The following RBFOX1 variants were observed in gnomAD, a reference collection of about 807,000 sequenced individuals.
RBFOX1 encodes the protein RNA binding fox-1 homolog 1.
In RBFOX1, 8 loss-of-function variants were observed where a neutral mutation model predicts 57.7. That is an observed-to-expected ratio of 0.14 (90% CI 0.08 to 0.25). The LOEUF is 0.25. Among genes scored for constraint, RBFOX1 ranks in the 10% least tolerant of loss-of-function variants. The probability of loss-of-function intolerance (pLI) is 1.00; values close to 1 mark genes in which losing one functional copy is unlikely to be tolerated. For missense variants in RBFOX1, 611 were observed against 548.5 expected (o/e 1.11, Z -1.14); for synonymous variants, 326 against 222.4 (o/e 1.47, Z -4.15).
chr16:7,385,182 A>G (rs7202219), intron 4 of RBFOX1, among the ~76,000 whole-genome samples: 1 of 152,202 alleles, frequency 6.6e-6, no homozygotes, highest in Non-Finnish European at 1.5e-5. Flanking sequence ...TATAAGTTTT[A>G]TATGAATTAC....
chr16:7,185,101 A>G (rs1040175308), intron 4 of RBFOX1, among the ~76,000 whole-genome samples: 3 of 152,284 alleles, frequency 2.0e-5, no homozygotes, highest in African/African-American at 7.2e-5. Flanking sequence ...ATCTATTTAA[A>G]CCACCTAACA....
intron 3 of RBFOX1, among the ~76,000 whole-genome samples, chr16:7,022,007 T>C (rs568591070): frequency 2.2e-4 from 2 of 9,208 alleles, no homozygotes. Context: ...CCCCTCTCCC[T>C]CCCCTTCCCT....
At chr16:5,569,408 A>G (rs1325126197) in intron 2 of RBFOX1, among the ~76,000 whole-genome samples, 1 of 123,026 alleles carries the variant, frequency 8.1e-6, no homozygotes, top group African/African-American at 2.9e-5. Flanking sequence ...CTTTTCAGAC[A>G]TTTGGTAAGG....
chr16:6,132,057 AG>A (rs2096633764), intron 1 of RBFOX1, among the ~76,000 whole-genome samples: 1 of 152,234 alleles, frequency 6.6e-6, no homozygotes, highest in Non-Finnish European at 1.5e-5. Context: ...GCCAAATAGA[AG>A]CTTAACACGC....
At chr16:7,654,659 G>A (rs997239611) in intron 12 of RBFOX1, among the ~76,000 whole-genome samples, 10 of 152,132 alleles carry the variant, frequency 6.6e-5, no homozygotes, top group Non-Finnish European at 1.0e-4. Context: ...AAATGATACT[G>A]GTGTGTTTGG....
chr16:6,150,592 G>C (rs968409939), intron 1 of RBFOX1, among the ~76,000 whole-genome samples: 4 of 152,112 alleles, frequency 2.6e-5, no homozygotes, highest in African/African-American at 4.8e-5. Flanking sequence ...TGTTATTCCT[G>C]TCCCCCTTTA....
At chr16:5,606,262 C>A (rs937227369) in intron 3 of RBFOX1, among the ~76,000 whole-genome samples, 1 of 152,114 alleles carries the variant, frequency 6.6e-6, no homozygotes, top group East Asian at 1.9e-4. Context: ...CTCCAGTGTC[C>A]ATGCCCCATG....
At chr16:7,538,809 G>C (rs1023080849) in intron 5 of RBFOX1, among the ~76,000 whole-genome samples, 1 of 151,968 alleles carries the variant, frequency 6.6e-6, no homozygotes. Flanking sequence ...CAGATGTCTG[G>C]AACTTGGTGA....
At chr16:5,542,865 A>G (rs763784028) in intron 2 of RBFOX1, among the ~76,000 whole-genome samples, 6 of 152,334 alleles carry the variant, frequency 3.9e-5, no homozygotes, top group Admixed American at 6.5e-5. Context: ...GTTCCAGGGA[A>G]CATAATTCAG....
At chr16:7,134,698 A>G (rs778469365) in intron 4 of RBFOX1, among the ~76,000 whole-genome samples, 4 of 152,192 alleles carry the variant, frequency 2.6e-5, no homozygotes, top group Non-Finnish European at 4.4e-5. Flanking sequence ...AGAAATCCTG[A>G]CTGTGAAAAC....
chr16:6,613,158 C>G (rs1335393638), intron 2 of RBFOX1, among the ~76,000 whole-genome samples: 1 of 152,080 alleles, frequency 6.6e-6, no homozygotes, highest in African/African-American at 2.4e-5. Flanking sequence ...AGGCATTATG[C>G]TTGCTGCGTG....
chr16:5,696,292 T>C (rs1051480511), intron 3 of RBFOX1, among the ~76,000 whole-genome samples: 1 of 152,230 alleles, frequency 6.6e-6, no homozygotes, highest in Non-Finnish European at 1.5e-5. Flanking sequence ...TATGAATCCA[T>C]AGGCAAAACA....
intron 4 of RBFOX1, among the ~76,000 whole-genome samples, chr16:7,118,731 G>C (rs1382266441): frequency 6.6e-6 from 1 of 152,148 alleles, no homozygotes; most frequent in Non-Finnish European, 1.5e-5. Context: ...GGATCATGGT[G>C]AGAAGAATCC....
At chr16:5,708,422 A>G (rs2051331135) in intron 3 of RBFOX1, among the ~76,000 whole-genome samples, 1 of 152,224 alleles carries the variant, frequency 6.6e-6, no homozygotes. Context: ...CTCAAGCAGT[A>G]GGGTGAGAGA....
At chr16:7,013,682 C>T (rs1042941120) in intron 3 of RBFOX1, among the ~76,000 whole-genome samples, 1 of 152,160 alleles carries the variant, frequency 6.6e-6, no homozygotes, top group Non-Finnish European at 1.5e-5. Flanking sequence ...TTAAGAGAGA[C>T]TGTTTTTCTC....
At chr16:6,525,765 C>T (rs933765590) in intron 2 of RBFOX1, among the ~76,000 whole-genome samples, 36 of 151,918 alleles carry the variant, frequency 2.4e-4, no homozygotes, top group African/African-American at 7.5e-4. Context: ...CTATTGTCTC[C>T]AGCAATTTTA....
At chr16:7,495,851 T>C (rs1049349538) in intron 4 of RBFOX1, among the ~76,000 whole-genome samples, 1 of 152,196 alleles carries the variant, frequency 6.6e-6, no homozygotes, top group Non-Finnish European at 1.5e-5. Flanking sequence ...AAAAACCAAT[T>C]GAAATAAAAA....
At chr16:6,012,600 C>A (rs758786778) in intron 4 of RBFOX1, among the ~76,000 whole-genome samples, 5 of 152,176 alleles carry the variant, frequency 3.3e-5, no homozygotes, top group Non-Finnish European at 5.9e-5. Context: ...CTGCTATAGG[C>A]AATATGTCAT....
chr16:7,556,948 C>T (rs918267996), intron 5 of RBFOX1, among the ~76,000 whole-genome samples: 6 of 152,162 alleles, frequency 3.9e-5, no homozygotes, highest in African/African-American at 1.4e-4. Context: ...AAGGATTTCT[C>T]CCAAATGCCT....
Sources: gnomAD v4.1 joint callset for allele counts (sites outside exome capture counted in the v4.1 genomes callset) on GRCh38, gnomAD v4.1.1 for gene constraint, MANE v1.5 for transcripts, NCBI Gene and HGNC (gene_info 2026-07-23, HGNC 2026-07-21) for gene names.